Variants in WDPCP observed in about 807,000 individuals in gnomAD.
WDPCP encodes WD repeat-containing and planar cell polarity effector protein fritz homolog.
WDPCP carries 71 observed loss-of-function variants against 93.1 expected under a neutral mutation model. The observed-to-expected ratio is 0.76, with a 90% CI of 0.63 to 0.93. WDPCP has a LOEUF of 0.93. WDPCP is among the 40% of genes least tolerant of loss of function. WDPCP has a pLI of 0.00. For missense variants in WDPCP, 844 were observed against 887.4 expected (o/e 0.95, Z 0.62); for synonymous variants, 315 against 315.0 (o/e 1.00, Z 0.00).
intron 1 of WDPCP, among the ~76,000 whole-genome samples, chr2:63,532,609 A>T (rs979539456): frequency 2.6e-5 from 4 of 152,234 alleles, no homozygotes; most frequent in Non-Finnish European, 5.9e-5. Flanking sequence ...CAGCCAAACT[A>T]AGCTTCATAA....
chr2:63,619,551 A>C lies in WDPCP; in HGVS notation n.488+31108T>G, dbSNP rs555888552. Among the ~76,000 whole-genome samples the C allele has an allele frequency of 8.5e-5, 13 of 152,274 alleles. No individual in the cohort carries two copies. In the South Asian group the frequency reaches 2.3e-3, roughly 27 times the overall value. The stretch of plus-strand genomic sequence containing the variant: ...GTCATTATTTACTCTTCCTCGGTCT[A>C]TGTCCTATTTTACTAGATTGTAAGC... On this transcript the variant is annotated intron_variant and non_coding_transcript_variant, in intron 3 of 4. Coordinates refer to the WDPCP transcript ENST00000467687.
intron 2 of WDPCP, among the ~76,000 whole-genome samples, chr2:63,743,409 A>G (rs956614817): frequency 2.0e-5 from 3 of 152,090 alleles, no homozygotes; most frequent in African/African-American, 7.2e-5. Flanking sequence ...CAGCTGCTGG[A>G]AAGATTTGCT....
At chr2:63,657,640 G>A (rs1158069715) in intron 2 of WDPCP, among the ~76,000 whole-genome samples, 1 of 152,168 alleles carries the variant, frequency 6.6e-6, no homozygotes, top group Non-Finnish European at 1.5e-5. Flanking sequence ...TGGTGCAGGT[G>A]GTGGTAAGCG....
At chr2:63,303,682 C>T (rs1051840660) in intron 13 of WDPCP, among the ~76,000 whole-genome samples, 12 of 152,258 alleles carry the variant, frequency 7.9e-5, no homozygotes, top group African/African-American at 1.7e-4. Context: ...AGGGGCAACA[C>T]GGTAAAGATT....
intron 1 of WDPCP, among the ~76,000 whole-genome samples, chr2:63,495,392 G>C (rs868696787): frequency 6.6e-6 from 1 of 152,114 alleles, no homozygotes; most frequent in Non-Finnish European, 1.5e-5. Flanking sequence ...TTAGTTTTAT[G>C]AGGCTTATTT....
intron 17 of WDPCP, among the ~76,000 whole-genome samples, chr2:63,150,599 C>T (rs187320868): frequency 6.6e-6 from 1 of 152,274 alleles, no homozygotes; most frequent in East Asian, 1.9e-4. Context: ...GTCTCAGTAT[C>T]ATTGTTTATA....
intron 10 of WDPCP, among the ~76,000 whole-genome samples, chr2:63,390,045 C>T (rs960804570): frequency 6.6e-6 from 1 of 152,162 alleles, no homozygotes. Flanking sequence ...ACCAAGCAGA[C>T]CTAATAGACA....
intron 2 of WDPCP, among the ~76,000 whole-genome samples, chr2:63,749,513 C>T (rs539378544): frequency 1.5e-4 from 23 of 152,094 alleles, no homozygotes; most frequent in Non-Finnish European, 2.1e-4. Context: ...ATTCGATACA[C>T]GAGTTAATAA....
chr2:63,526,051 G>A (rs946962777), intron 1 of WDPCP, among the ~76,000 whole-genome samples: 3 of 144,744 alleles, frequency 2.1e-5, no homozygotes, highest in African/African-American at 7.8e-5. Flanking sequence ...TGTTGCTGTT[G>A]CTACTGTGTG....
rs185815217 is a variant in WDPCP, at chr2:63,217,003, A to T, written c.1916-42171T>A. On this transcript the variant is annotated intron_variant, in intron 14 of 17. Transcript: ENST00000272321. Reference sequence around the variant, plus strand: ...CTATCAAATACTTTAAACAAAATTTAAAAAAATACCTCAGTGATACGTTTT... The same window carrying T: ...CTATCAAATACTTTAAACAAAATTTTAAAAAATACCTCAGTGATACGTTTT... Among the ~76,000 whole-genome samples the T allele has an allele frequency of 2.6e-5, 4 of 152,288 alleles. No individual in the cohort carries two copies. In the East Asian group the frequency reaches 5.8e-4, roughly 22 times the overall value.
At chr2:63,528,451 C>T (rs1435170262) in intron 1 of WDPCP, among the ~76,000 whole-genome samples, 2 of 152,158 alleles carry the variant, frequency 1.3e-5, no homozygotes, top group Admixed American at 6.5e-5. Context: ...CCAGTTTTCC[C>T]AGCACCATTT....
chr2:63,468,039 G>A (rs535432715), intron 6 of WDPCP, among the ~76,000 whole-genome samples: 70 of 152,286 alleles, frequency 4.6e-4, no homozygotes, highest in African/African-American at 1.5e-3. Flanking sequence ...ACCAGCCAAC[G>A]ACTGAGCATC....
intron 1 of WDPCP, among the ~76,000 whole-genome samples, chr2:63,497,657 T>G (rs1701314160): frequency 6.6e-6 from 1 of 152,124 alleles, no homozygotes; most frequent in African/African-American, 2.4e-5. Flanking sequence ...GTCATGCAGG[T>G]TTTCTGAAAG....
intron 12 of WDPCP, among the ~76,000 whole-genome samples, chr2:63,326,345 T>A (rs781655662): frequency 2.0e-5 from 3 of 152,142 alleles, no homozygotes; most frequent in Non-Finnish European, 4.4e-5. Flanking sequence ...TATATGTTGA[T>A]GGAGGTTCGT....
intron 2 of WDPCP, 106 bp downstream of exon 2, chr2:63,492,750 G>A: frequency 5.0e-6 from 5 of 990,870 alleles, no homozygotes; most frequent in East Asian, 4.9e-5. Context: ...AATAAAGAAA[G>A]AATGCAACTC....
intron 2 of WDPCP, among the ~76,000 whole-genome samples, chr2:63,747,637 A>G (rs1482958256): frequency 1.3e-5 from 2 of 151,902 alleles, no homozygotes; most frequent in African/African-American, 2.4e-5. Flanking sequence ...CCATAGATCT[A>G]TTTGTCTATC....
chr2:63,380,028 C>T (rs1319062527), intron 11 of WDPCP, among the ~76,000 whole-genome samples: 1 of 152,060 alleles, frequency 6.6e-6, no homozygotes, highest in Non-Finnish European at 1.5e-5. Flanking sequence ...TCTGATAATG[C>T]CCATTTGTGT....
intron 12 of WDPCP, among the ~76,000 whole-genome samples, chr2:63,337,183 C>T (rs1433104788): frequency 3.9e-5 from 6 of 152,186 alleles, no homozygotes; most frequent in Admixed American, 2.0e-4. Flanking sequence ...TGAGCCACTG[C>T]GCACGGCCCA....
intron 12 of WDPCP, among the ~76,000 whole-genome samples, chr2:63,317,382 T>C (rs1444599707): frequency 2.2e-5 from 3 of 137,740 alleles, no homozygotes; most frequent in Non-Finnish European, 4.6e-5. Flanking sequence ...CACTCCAGCC[T>C]GGGCAACAAA....
Sources: allele counts gnomAD v4.1 joint callset (sites outside exome capture counted in the v4.1 genomes callset), GRCh38; gene constraint gnomAD v4.1.1; transcripts MANE v1.5; gene names NCBI Gene and HGNC (gene_info 2026-07-23, HGNC 2026-07-21).